The following PPP3CA variants were observed in gnomAD, a reference collection of about 807,000 sequenced individuals.
PPP3CA encodes protein phosphatase 3 catalytic subunit alpha, also known as CAM-PRP catalytic subunit.
Under a neutral mutation model 66.5 loss-of-function variants are expected in PPP3CA, and 14 were observed. That is an observed-to-expected ratio of 0.21 (90% CI 0.14 to 0.33). PPP3CA has a LOEUF of 0.33. PPP3CA is among the 10% of genes least tolerant of loss of function. The pLI is 1.00. For synonymous variants in PPP3CA, 232 were observed against 226.2 expected, an observed-to-expected ratio of 1.03 and a Z score of -0.23; for missense variants, 317 against 639.5, an observed-to-expected ratio of 0.50 and a Z score of 5.44.
intron 1 of PPP3CA, among the ~76,000 whole-genome samples, chr4:101,299,127 T>G (rs970793710): frequency 1.7e-5 from 2 of 117,264 alleles, no homozygotes; most frequent in Non-Finnish European, 3.4e-5. Context: ...TTTTTTTTTT[T>G]TTTTTGGTAC....
At chr4:101,272,024 TTTTC>T (rs1368817196) in intron 1 of PPP3CA, among the ~76,000 whole-genome samples, 5 of 152,140 alleles carry the variant, frequency 3.3e-5, no homozygotes, top group Admixed American at 1.3e-4. Context: ...AATAATGAAA[TTTTC>T]TTTATTATTA....
chr4:101,198,698 G>A (rs528118717), intron 1 of PPP3CA, among the ~76,000 whole-genome samples: 1 of 152,234 alleles, frequency 6.6e-6, no homozygotes, highest in South Asian at 2.1e-4. Flanking sequence ...GAGCACCCCA[G>A]GGAGTGCCTC....
chr4:101,236,287 T>C (rs1578580921), intron 1 of PPP3CA, among the ~76,000 whole-genome samples: 1 of 95,506 alleles, frequency 1.0e-5, no homozygotes. Flanking sequence ...GAGAAAAACA[T>C]AGTCATGTGA....
chr4:101,226,575 G>A (rs541004680), intron 1 of PPP3CA, among the ~76,000 whole-genome samples: 4 of 151,734 alleles, frequency 2.6e-5, no homozygotes, highest in South Asian at 4.2e-4. Context: ...TTCAGTTCAC[G>A]GTATAACTGA....
At chr4:101,206,517 T>C (rs1306976443) in intron 1 of PPP3CA, among the ~76,000 whole-genome samples, 2 of 152,202 alleles carry the variant, frequency 1.3e-5, no homozygotes, top group African/African-American at 2.4e-5. Flanking sequence ...TAAAAGAAAC[T>C]TTCAAGTAAT....
chr4:101,159,085 C>G (rs927019091), intron 2 of PPP3CA, among the ~76,000 whole-genome samples: 2 of 152,096 alleles, frequency 1.3e-5, no homozygotes, highest in East Asian at 3.9e-4. Context: ...ATTATGCAGA[C>G]GAGGAAACTG....
At chr4:101,100,339 T>C (rs906207958) in intron 3 of PPP3CA, among the ~76,000 whole-genome samples, 1 of 152,086 alleles carries the variant, frequency 6.6e-6, no homozygotes, top group African/African-American at 2.4e-5. Flanking sequence ...CTTTCCAATT[T>C]TTCCATTTCT....
chr4:101,263,862 T>C (rs182842298), intron 1 of PPP3CA, among the ~76,000 whole-genome samples: 222 of 152,334 alleles, frequency 1.5e-3, no homozygotes, highest in African/African-American at 5.2e-3. Context: ...ATAAATGGAA[T>C]AGAAATCTAT....
intron 2 of PPP3CA, among the ~76,000 whole-genome samples, chr4:101,126,565 T>C (rs985169715): frequency 6.6e-6 from 1 of 152,206 alleles, no homozygotes; most frequent in Admixed American, 6.5e-5. Flanking sequence ...CTGATTACTA[T>C]GGAAATTCTG....
chr4:101,240,315 T>C (rs1726265409), intron 1 of PPP3CA, among the ~76,000 whole-genome samples: 1 of 152,100 alleles, frequency 6.6e-6, no homozygotes, highest in Non-Finnish European at 1.5e-5. Flanking sequence ...TACTGGGAAG[T>C]ACCAAATTAC....
chr4:101,209,509 T>A (rs763806446), intron 1 of PPP3CA, among the ~76,000 whole-genome samples: 1 of 152,176 alleles, frequency 6.6e-6, no homozygotes, highest in African/African-American at 2.4e-5. Flanking sequence ...GAAAAAAGTA[T>A]GTCCTAGAAG....
chr4:101,164,833 A>G (rs1387761757), intron 2 of PPP3CA, among the ~76,000 whole-genome samples: 1 of 152,128 alleles, frequency 6.6e-6, no homozygotes, highest in Non-Finnish European at 1.5e-5. Flanking sequence ...TTAAAATAGG[A>G]TTAGGTTCAT....
At chr4:101,108,585 G>A (rs1256662364) in intron 3 of PPP3CA, among the ~76,000 whole-genome samples, 2 of 152,098 alleles carry the variant, frequency 1.3e-5, no homozygotes, top group Non-Finnish European at 2.9e-5. Flanking sequence ...GGCCAACATG[G>A]TGAAACTCCA....
chr4:101,339,492 C>T (rs1372552559), intron 1 of PPP3CA, among the ~76,000 whole-genome samples: 3 of 152,202 alleles, frequency 2.0e-5, no homozygotes, highest in African/African-American at 7.2e-5. Context: ...CCGAACAGAA[C>T]AGCTCTCATT....
chr4:101,163,035 G>T (rs1205408937), intron 2 of PPP3CA, among the ~76,000 whole-genome samples: 1 of 152,180 alleles, frequency 6.6e-6, no homozygotes, highest in East Asian at 1.9e-4. Context: ...GAAGGTAAAA[G>T]TCATCCATCC....
intron 11 of PPP3CA, among the ~76,000 whole-genome samples, chr4:101,039,073 C>T (rs1202432392): frequency 9.3e-6 from 1 of 107,652 alleles, no homozygotes; most frequent in African/African-American, 3.2e-5. Flanking sequence ...CTCAGAATTC[C>T]AATTAAGCTT....
intron 1 of PPP3CA, among the ~76,000 whole-genome samples, chr4:101,314,978 A>C: frequency 6.6e-6 from 1 of 152,224 alleles, no homozygotes; most frequent in East Asian, 1.9e-4. Flanking sequence ...TTTTTCATTA[A>C]ATACAACAGT....
At chr4:101,313,125 A>T (rs938816070) in intron 1 of PPP3CA, among the ~76,000 whole-genome samples, 1 of 151,108 alleles carries the variant, frequency 6.6e-6, no homozygotes, top group Admixed American at 6.6e-5. Flanking sequence ...GTAGGACTGT[A>T]TTTTTTTTTA....
chr4:101,250,211 C>T (rs533053421), intron 1 of PPP3CA: 87 of 282,710 alleles, frequency 3.1e-4, no homozygotes, highest in Non-Finnish European at 5.2e-4. Context: ...AAGTTAAGCA[C>T]CTAGGTCAAG....
Sources: gnomAD v4.1 joint callset for allele counts (sites outside exome capture counted in the v4.1 genomes callset) on GRCh38, gnomAD v4.1.1 for gene constraint, MANE v1.5 for transcripts, NCBI Gene and HGNC (gene_info 2026-07-23, HGNC 2026-07-21) for gene names.